Variants in WSCD2 observed in about 807,000 individuals in gnomAD.
WSCD2 encodes the protein WSC domain sialate O sulfotransferase 2.
WSCD2 carries 28 observed loss-of-function variants against 55.7 expected under a neutral mutation model. The ratio of observed to expected loss-of-function variants is 0.50; its 90% CI spans 0.37 to 0.69. The LOEUF (loss-of-function observed/expected upper bound fraction) is 0.69, where lower values mean the gene tolerates loss of function less well. Ranked by LOEUF, WSCD2 falls within the 30% of genes least tolerant of loss-of-function variation. The probability of loss-of-function intolerance (pLI) is 0.00; values close to 1 mark genes in which losing one functional copy is unlikely to be tolerated. For missense variants in WSCD2, 616 were observed against 762.1 expected (o/e 0.81, Z 2.26); for synonymous variants, 301 against 301.9 (o/e 1.00, Z 0.03).
intron 1 of WSCD2, among the ~76,000 whole-genome samples, chr12:108,151,132 T>G (rs752112751): frequency 1.2e-4 from 18 of 152,112 alleles, no homozygotes; most frequent in Non-Finnish European, 2.1e-4. Context: ...TCCCGCAGAT[T>G]CATCTACTGG....
intron 1 of WSCD2, among the ~76,000 whole-genome samples, chr12:108,147,519 G>A (rs1343057131): frequency 4.6e-5 from 7 of 152,078 alleles, no homozygotes; most frequent in African/African-American, 7.2e-5. Flanking sequence ...GGTTACTAGC[G>A]GATATCAAGG....
intron 1 of WSCD2, among the ~76,000 whole-genome samples, chr12:108,142,371 A>G (rs541392347): frequency 6.6e-6 from 1 of 152,170 alleles, no homozygotes; most frequent in Non-Finnish European, 1.5e-5. Flanking sequence ...AGCTCTGAAC[A>G]CATGCTATTT....
At chr12:108,158,241 T>C (rs1168682684) in intron 1 of WSCD2, among the ~76,000 whole-genome samples, 2 of 152,148 alleles carry the variant, frequency 1.3e-5, no homozygotes, top group African/African-American at 4.8e-5. Flanking sequence ...AGAGATTAAA[T>C]TGCCCCTGGA....
At chr12:108,234,322 G>A (rs556420193) in intron 7 of WSCD2, among the ~76,000 whole-genome samples, 17 of 152,308 alleles carry the variant, frequency 1.1e-4, no homozygotes, top group Non-Finnish European at 2.2e-4. Flanking sequence ...AGCTCAGGGA[G>A]AGCCAGGGGG....
At chr12:108,168,617 C>T (rs982992571) in intron 1 of WSCD2, among the ~76,000 whole-genome samples, 2 of 152,214 alleles carry the variant, frequency 1.3e-5, no homozygotes, top group African/African-American at 4.8e-5. Context: ...GATACTGTGA[C>T]TAGTACCTAT....
At chr12:108,227,187 G>A in intron 6 of WSCD2, 23 bp downstream of exon 6, 2 of 1,603,182 alleles carry the variant, frequency 1.2e-6, no homozygotes, top group South Asian at 2.3e-5. Flanking sequence ...CTTCCCCAGT[G>A]GACCCCAGAT....
In WSCD2 at chr12:108,195,706, A is replaced by T; in HGVS notation, c.-127A>T. ...TTCTGGCCTTGGTGATCACTTTTTC[A>T]GGAAGAGTGAGACTGAGGACCCCCA... On this transcript the variant is annotated 5_prime_UTR_variant, in exon 2 of 9. Transcript: ENST00000547525. The T allele has an allele frequency of 1.5e-6, 2 of 1,322,696 alleles. No individual in the cohort carries two copies. Among genetic ancestry groups the T allele is most frequent in the Non-Finnish European group, 2.0e-6 (2 of 981,046 alleles). The allele number at this position is 1,322,696 out of a possible 1,614,324, so 81.9% of individuals were successfully genotyped here. A position where few individuals can be genotyped will look rare whatever the true frequency, so the allele number is the denominator to read the frequency against.
chr12:108,236,600 A>C lies in WSCD2; in HGVS notation c.1144+3705A>C, dbSNP rs143996357. ...TCTCTCATTCTCTCTCTCTCTCTCTAATTGTCCTTTCCTTTCTCTGCATGT... is the reference window on the plus strand; with the variant it reads ...TCTCTCATTCTCTCTCTCTCTCTCTCATTGTCCTTTCCTTTCTCTGCATGT... On this transcript the variant is annotated intron_variant, in intron 7 of 8. Transcript: ENST00000547525. Among the ~76,000 whole-genome samples, 496 of 139,290 alleles carry C rather than the reference A, an allele frequency of 3.6e-3. 2 individuals carry two copies. The highest frequency in any genetic ancestry group is 0.012 in the African/African-American group (441 of 36,652). The allele number at this position is 139,290 out of a possible 152,430, so 91.4% of individuals were successfully genotyped here.
At chr12:108,247,611 A>C (rs1317127824) in intron 8 of WSCD2, among the ~76,000 whole-genome samples, 2 of 152,176 alleles carry the variant, frequency 1.3e-5, no homozygotes, top group Non-Finnish European at 2.9e-5. Flanking sequence ...GCTGAAGTGC[A>C]GTGGCATCAT....
intron 4 of WSCD2, among the ~76,000 whole-genome samples, chr12:108,220,385 T>C (rs1325964687): frequency 6.6e-6 from 1 of 152,244 alleles, no homozygotes; most frequent in Admixed American, 6.5e-5. Flanking sequence ...CCTCTGAGCC[T>C]TGAGTTTCCT....
At chr12:108,246,125 G>A (rs1890062894) in intron 8 of WSCD2, among the ~76,000 whole-genome samples, 1 of 152,254 alleles carries the variant, frequency 6.6e-6, no homozygotes, top group African/African-American at 2.4e-5. Context: ...GGCCTGATCT[G>A]GACGGTCCTT....
chr12:108,186,030 A>C (rs1166003905), intron 1 of WSCD2, among the ~76,000 whole-genome samples: 1 of 152,088 alleles, frequency 6.6e-6, no homozygotes, highest in Non-Finnish European at 1.5e-5. Context: ...CCCTTTCATC[A>C]AACCACTGTA....
At chr12:108,147,312 G>A (rs1365837638) in intron 1 of WSCD2, among the ~76,000 whole-genome samples, 1 of 152,194 alleles carries the variant, frequency 6.6e-6, no homozygotes, top group Non-Finnish European at 1.5e-5. Context: ...GGGGTAGAGA[G>A]TGGAAAGGAG....
chr12:108,130,339 T>C (rs1246052792), intron 1 of WSCD2, among the ~76,000 whole-genome samples: 3 of 152,170 alleles, frequency 2.0e-5, no homozygotes, highest in Non-Finnish European at 4.4e-5. Context: ...TATTTCCAAG[T>C]TGGCTGTAGA....
intron 1 of WSCD2, among the ~76,000 whole-genome samples, chr12:108,158,870 A>C (rs1878790140): frequency 6.6e-6 from 1 of 151,920 alleles, no homozygotes; most frequent in Admixed American, 6.6e-5. Context: ...AGCAGATCCC[A>C]CCCCACCCTC....
intron 1 of WSCD2, among the ~76,000 whole-genome samples, chr12:108,132,174 G>A (rs555449469): frequency 2.0e-5 from 3 of 152,230 alleles, no homozygotes; most frequent in East Asian, 3.9e-4. Context: ...GGGTTGCCCC[G>A]GGTTTATGCT....
intron 8 of WSCD2, among the ~76,000 whole-genome samples, chr12:108,243,251 G>GTTTT (rs964018974): frequency 2.0e-5 from 3 of 152,102 alleles, no homozygotes; most frequent in Non-Finnish European, 4.4e-5. Context: ...GTTTTGTTTT[G>GTTTT]TTTTGAGACA....
At chr12:108,241,586 A>T (rs1439939869) in intron 8 of WSCD2, among the ~76,000 whole-genome samples, 1 of 152,170 alleles carries the variant, frequency 6.6e-6, no homozygotes, top group Non-Finnish European at 1.5e-5. Flanking sequence ...AATGAGTATA[A>T]AGTTACAGTT....
chr12:108,222,157 T>A lies in WSCD2; in HGVS notation c.683-2582T>A, dbSNP rs117883304. On this transcript the variant is annotated intron_variant, in intron 4 of 8. Coordinates refer to ENST00000547525, the MANE Select transcript of WSCD2 (RefSeq NM_014653.4). The stretch of plus-strand genomic sequence containing the variant: ...GGGAGTTATTCCATATCCTCTTCTC[T>A]GCACATAAATATAAATATATATGTG... Among the ~76,000 whole-genome samples the A allele has an allele frequency of 5.5e-3, 844 of 152,338 alleles. 5 individuals carry two copies. The highest frequency in any genetic ancestry group is 9.9e-3 in the Non-Finnish European group (674 of 68,040).
Sources: allele counts gnomAD v4.1 joint callset (sites outside exome capture counted in the v4.1 genomes callset), GRCh38; gene constraint gnomAD v4.1.1; transcripts MANE v1.5; gene names NCBI Gene and HGNC (gene_info 2026-07-23, HGNC 2026-07-21).